KRAS: variants seen among roughly 807,000 people sequenced by gnomAD.
The protein encoded by KRAS is KRas proto-oncogene, GTPase.
KRAS carries 1 observed loss-of-function variant against 21.0 expected under a neutral mutation model. The ratio of observed to expected loss-of-function variants is 0.05; its 90% CI spans 0.02 to 0.23. The LOEUF (loss-of-function observed/expected upper bound fraction) is 0.23. Among genes scored for constraint, KRAS ranks in the 10% least tolerant of loss-of-function variants. The probability of loss-of-function intolerance (pLI) is 1.00; values close to 1 mark genes in which losing one functional copy is unlikely to be tolerated. For synonymous variants in KRAS, 67 were observed against 72.5 expected, an observed-to-expected ratio of 0.92 and a Z score of 0.39; for missense variants, 107 against 221.8, an observed-to-expected ratio of 0.48 and a Z score of 3.29.
intron 1 of KRAS, among the ~76,000 whole-genome samples, chr12:25,246,184 T>C (rs1475042303): frequency 9.6e-6 from 1 of 103,780 alleles, no homozygotes; most frequent in South Asian, 3.0e-4. Flanking sequence ...CTGGGGAAAA[T>C]AAAGCTAAAA....
intron 2 of KRAS, among the ~76,000 whole-genome samples, chr12:25,238,293 C>CT (rs1245967531): frequency 6.6e-6 from 1 of 152,092 alleles, no homozygotes; most frequent in East Asian, 1.9e-4. Flanking sequence ...CATGTGTAAC[C>CT]TGTTCAAGTC....
intron 2 of KRAS, 144 bp downstream of exon 2, chr12:25,245,130 T>A: frequency 1.1e-6 from 1 of 903,998 alleles, no homozygotes; most frequent in Non-Finnish European, 1.7e-6. Context: ...TACATATAAC[T>A]TGAAACCCAA....
intron 4 of KRAS, among the ~76,000 whole-genome samples, chr12:25,223,666 C>T (rs1236838506): frequency 6.6e-6 from 1 of 152,150 alleles, no homozygotes; most frequent in Non-Finnish European, 1.5e-5. Flanking sequence ...GGAAGAGGTA[C>T]ATATGCTCTC....
chr12:25,246,188 G>A (rs1951678364), intron 1 of KRAS, among the ~76,000 whole-genome samples: 2 of 144,602 alleles, frequency 1.4e-5, no homozygotes, highest in African/African-American at 5.1e-5. Flanking sequence ...GGAAAATAAA[G>A]CTAAAAACCA....
chr12:25,230,233 ATG>A (rs547460377), intron 2 of KRAS, among the ~76,000 whole-genome samples: 125 of 152,326 alleles, frequency 8.2e-4, no homozygotes, highest in African/African-American at 2.5e-3. Context: ...TCACAATAAT[ATG>A]TGTTTATGTA....
intron 1 of KRAS, 136 bp downstream of exon 1, chr12:25,250,615 C>G (rs1036186546): frequency 1.8e-5 from 3 of 168,204 alleles, no homozygotes; most frequent in Non-Finnish European, 3.9e-5. Flanking sequence ...CCCAGCCCGC[C>G]CCGACCCCGC....
intron 4 of KRAS, among the ~76,000 whole-genome samples, chr12:25,220,605 T>C (rs780782095): frequency 2.6e-5 from 4 of 151,706 alleles, no homozygotes; most frequent in African/African-American, 7.3e-5. Flanking sequence ...TGTGCACCCA[T>C]AGTCCCAGCT....
chr12:25,209,241 GA>G lies in KRAS; in HGVS notation c.*553del, dbSNP rs1176457860. The G allele has an allele frequency of 2.3e-5, 16 of 683,616 alleles. No homozygotes were observed. The highest frequency in any genetic ancestry group is 4.0e-5 in the Non-Finnish European group (15 of 375,512). 42.3% of individuals were successfully genotyped at this position (683,616 alleles called of 1,614,324 possible). A position where few individuals can be genotyped will look rare whatever the true frequency, so the allele number is the denominator to read the frequency against. On this transcript the variant is annotated 3_prime_UTR_variant, in exon 5 of 5. Transcript: ENST00000311936. ...AGAGTGACCATGACTAATAGCAGTG[GA>G]AAGGAGACAAAACCTTTGTGAACAG... is the stretch of plus-strand genomic sequence containing the variant.
At chr12:25,223,151 C>A (rs1036915559) in intron 4 of KRAS, among the ~76,000 whole-genome samples, 3 of 152,020 alleles carry the variant, frequency 2.0e-5, no homozygotes, top group African/African-American at 7.2e-5. Flanking sequence ...TAAATTTTTT[C>A]TTTTCTTTGT....
intron 4 of KRAS, among the ~76,000 whole-genome samples, chr12:25,221,878 C>A (rs4606562): frequency 0.19 from 29,629 of 152,010 alleles, 2,977 homozygotes; most frequent in Middle Eastern, 0.24. Flanking sequence ...GGGCCAGGCG[C>A]GGTGGCTCAT....
intron 4 of KRAS, chr12:25,211,237 T>A (rs1256196439): frequency 6.6e-6 from 1 of 152,228 alleles, no homozygotes; most frequent in Non-Finnish European, 1.5e-5. Flanking sequence ...AAAAAAATTA[T>A]ATGTGTAAAA....
At chr12:25,216,621 T>G (rs1951258747) in intron 4 of KRAS, among the ~76,000 whole-genome samples, 1 of 152,248 alleles carries the variant, frequency 6.6e-6, no homozygotes, top group Non-Finnish European at 1.5e-5. Flanking sequence ...TCAATCATAC[T>G]GGCTGTGTGC....
chr12:25,208,569 A>T lies in KRAS; in HGVS notation c.*1226T>A, dbSNP rs896508087. 1.7e-5 allele frequency: 4 copies of T among 233,142 alleles called. No homozygotes were observed. Among genetic ancestry groups the T allele is most frequent in the Non-Finnish European group, 3.4e-5 (4 of 117,824 alleles). The allele number at this position is 233,142 out of a possible 1,614,324, so 14.4% of individuals were successfully genotyped here. A position where few individuals can be genotyped will look rare whatever the true frequency, so the allele number is the denominator to read the frequency against. On this transcript the variant is annotated 3_prime_UTR_variant, in exon 5 of 5. Coordinates refer to ENST00000311936, the MANE Select transcript of KRAS (RefSeq NM_004985.5). ...AATCTCAACTTTTGAGTTAATATTT[A>T]AAAGTAATTTTTAAAAAAGAGTTTG...
chr12:25,214,535 G>A lies in KRAS; in HGVS notation c.451-4624C>T, dbSNP rs1210828911. ...CCCAAGTAGCTGGGATTACAGGCAC[G>A]TGCCACCACGCCCGGCTAATTTTTT... On this transcript the variant is annotated intron_variant, in intron 4 of 4. Transcript: ENST00000311936. Among the ~76,000 whole-genome samples the A allele has an allele frequency of 3.3e-5, 5 of 151,968 alleles. No individual in the cohort carries two copies. The East Asian group carries it at 5.8e-4, about 18-fold the overall frequency.
In KRAS at chr12:25,207,374, T is replaced by G. The variant is rs1478328803; in HGVS notation, c.*2421A>C. 1 of 187,734 alleles carries G rather than the reference T, an allele frequency of 5.3e-6. No individual in the cohort carries two copies. The highest frequency in any genetic ancestry group is 2.3e-5 in the African/African-American group (1 of 42,718). The allele number at this position is 187,734 out of a possible 1,614,324, so 11.6% of individuals were successfully genotyped here. A position where few individuals can be genotyped will look rare whatever the true frequency, so the allele number is the denominator to read the frequency against. On this transcript the variant is annotated 3_prime_UTR_variant, in exon 5 of 5. Transcript: ENST00000311936. ...CCTAAAAATACAAAAATTAGTTGAGTGTAGTGGCACACGCCTGTAATCCCA... is the reference window on the plus strand; with the variant it reads ...CCTAAAAATACAAAAATTAGTTGAGGGTAGTGGCACACGCCTGTAATCCCA...
rs1429294720 is a variant in KRAS, at chr12:25,205,496, G to C, written c.*4299C>G. 4.6e-6 allele frequency: 1 copy of C among 216,190 alleles called. No homozygotes were observed. The highest frequency in any genetic ancestry group is 9.3e-6 in the Non-Finnish European group (1 of 107,154). The allele number at this position is 216,190 out of a possible 1,614,324, so 13.4% of individuals were successfully genotyped here. On this transcript the variant is annotated 3_prime_UTR_variant, in exon 5 of 5. Transcript: ENST00000311936. ...AAAGAAAGCACAATGTACAAAATGT[G>C]CATGTTTCAGTTTACACTATACAAA...
intron 2 of KRAS, among the ~76,000 whole-genome samples, chr12:25,233,361 G>A (rs1208293419): frequency 6.6e-6 from 1 of 151,998 alleles, no homozygotes; most frequent in Non-Finnish European, 1.5e-5. Context: ...GACCAGCCTG[G>A]CCAACATGGT....
rs1951138629 is a variant in KRAS at position 25,206,381 on chromosome 12, T to G, written c.*3414A>C. 4.8e-6 allele frequency: 1 copy of G among 206,318 alleles called. No homozygotes were observed. The highest frequency in any genetic ancestry group is 5.9e-5 in the Admixed American group (1 of 16,862). The allele number at this position is 206,318 out of a possible 1,614,324, so 12.8% of individuals were successfully genotyped here. ...CATGTTAATGCCTAAGTCTATGTAATTTAGCTTTTTTTAAAAAAACTTCAA... is the reference window on the plus strand; with the variant it reads ...CATGTTAATGCCTAAGTCTATGTAAGTTAGCTTTTTTTAAAAAAACTTCAA... On this transcript the variant is annotated 3_prime_UTR_variant, in exon 5 of 5. Coordinates refer to ENST00000311936, the MANE Select transcript of KRAS (RefSeq NM_004985.5).
At chr12:25,214,030 A>G (rs1039530639) in intron 4 of KRAS, among the ~76,000 whole-genome samples, 4 of 152,226 alleles carry the variant, frequency 2.6e-5, no homozygotes, top group Non-Finnish European at 4.4e-5. Flanking sequence ...AGTTATTTCA[A>G]CATAACATGG....
Sources: gnomAD v4.1 joint callset for allele counts (sites outside exome capture counted in the v4.1 genomes callset) on GRCh38, gnomAD v4.1.1 for gene constraint, MANE v1.5 for transcripts, NCBI Gene and HGNC (gene_info 2026-07-23, HGNC 2026-07-21) for gene names.